FRMD6: variants seen among roughly 807,000 people sequenced by gnomAD.
The protein encoded by FRMD6 is FERM domain-containing protein 6.
Under a neutral mutation model 73.2 loss-of-function variants are expected in FRMD6, and 37 were observed. The ratio of observed to expected loss-of-function variants is 0.51; its 90% CI spans 0.39 to 0.66. FRMD6 has a LOEUF of 0.66. FRMD6 is among the 30% of genes least tolerant of loss of function. FRMD6 has a pLI of 0.00. For synonymous variants in FRMD6, 273 were observed against 282.2 expected, an observed-to-expected ratio of 0.97 and a Z score of 0.33; for missense variants, 714 against 780.5, an observed-to-expected ratio of 0.91 and a Z score of 1.02.
intron 2 of FRMD6, among the ~76,000 whole-genome samples, chr14:51,581,296 A>G (rs1269310178): frequency 6.6e-6 from 1 of 152,148 alleles, no homozygotes; most frequent in East Asian, 1.9e-4. Context: ...ACATTCATCC[A>G]TGGCTCATTC....
chr14:51,725,916 GA>G (rs760256477), intron 13 of FRMD6, 46 bp downstream of exon 13: 2 of 1,424,586 alleles, frequency 1.4e-6, no homozygotes, highest in African/African-American at 2.8e-5. Context: ...TGAAGTTATA[GA>G]AAATTTTAAG....
At chr14:51,693,649 A>G (rs760695514) in intron 2 of FRMD6, among the ~76,000 whole-genome samples, 18 of 152,122 alleles carry the variant, frequency 1.2e-4, no homozygotes, top group Admixed American at 2.0e-4. Context: ...CAGTAAGTGA[A>G]CCCTTGAGTG....
chr14:51,525,796 G>A (rs765553858), intron 1 of FRMD6, among the ~76,000 whole-genome samples: 9 of 152,052 alleles, frequency 5.9e-5, no homozygotes, highest in Non-Finnish European at 1.3e-4. Context: ...AAATAGAAAA[G>A]ATTCATTATT....
chr14:51,544,487 T>C (rs1321625667), intron 1 of FRMD6, among the ~76,000 whole-genome samples: 1 of 152,090 alleles, frequency 6.6e-6, no homozygotes, highest in East Asian at 1.9e-4. Flanking sequence ...CTTTGTTATA[T>C]ACTCATAGTT....
At chr14:51,481,996 G>T in the FRMD6 span, among the ~76,000 whole-genome samples, 1 of 152,154 alleles carries the variant, frequency 6.6e-6, no homozygotes, top group South Asian at 2.1e-4. Flanking sequence ...ATAGCAGAAG[G>T]CAAGCAGTAT....
At chr14:51,507,389 A>G (rs2140239583) in intron 1 of FRMD6, among the ~76,000 whole-genome samples, 1 of 151,928 alleles carries the variant, frequency 6.6e-6, no homozygotes, top group East Asian at 2.0e-4. Context: ...ATCATTCCCC[A>G]AAAGGCATGA....
chr14:51,528,819 C>G (rs987952661), intron 1 of FRMD6, among the ~76,000 whole-genome samples: 12 of 152,166 alleles, frequency 7.9e-5, no homozygotes, highest in Non-Finnish European at 1.8e-4. Context: ...TCCAGCAAAA[C>G]TAGCCAGTGC....
chr14:51,406,979 G>T, the FRMD6 span, among the ~76,000 whole-genome samples: 1 of 152,032 alleles, frequency 6.6e-6, no homozygotes, highest in Non-Finnish European at 1.5e-5. Context: ...AGACAAACTT[G>T]ATAAACTGTT....
the FRMD6 span, among the ~76,000 whole-genome samples, chr14:51,401,661 A>C: frequency 4.6e-5 from 7 of 152,202 alleles, no homozygotes; most frequent in African/African-American, 1.7e-4. Context: ...TCCCCGTAGG[A>C]GTATTCAACT....
At chr14:51,459,923 T>C in the FRMD6 span, among the ~76,000 whole-genome samples, 1 of 101,718 alleles carries the variant, frequency 9.8e-6, no homozygotes, top group East Asian at 4.0e-4. Context: ...CGGCTATGGC[T>C]AATCTTTTGG....
At position 51,701,048 on chromosome 14, in the gene FRMD6, A is replaced by G; in HGVS notation, c.191-8A>G. On this transcript the variant is annotated splice_polypyrimidine_tract_variant and splice_region_variant and intron_variant, in intron 3 of 13. Coordinates refer to ENST00000344768, the MANE Select transcript of FRMD6 (RefSeq NM_001267046.2). Reference sequence around the variant, plus strand: ...TTAGCATGTCGTCTCCTTTTTTTTAATGTACAGATAATGAACATGTGTATA... The same window carrying G: ...TTAGCATGTCGTCTCCTTTTTTTTAGTGTACAGATAATGAACATGTGTATA... 7.4e-7 allele frequency: 1 copy of G among 1,347,690 alleles called. No individual in the cohort carries two copies. Among genetic ancestry groups the G allele is most frequent in the East Asian group, 2.5e-5 (1 of 39,784 alleles). 83.5% of individuals were successfully genotyped at this position (1,347,690 alleles called of 1,614,324 possible).
At chr14:51,532,978 G>T (rs147966496) in intron 1 of FRMD6, among the ~76,000 whole-genome samples, 36 of 152,302 alleles carry the variant, frequency 2.4e-4, no homozygotes, top group Admixed American at 1.3e-3. Flanking sequence ...CCCTTTGAGG[G>T]CTGCAATACT....
intron 2 of FRMD6, among the ~76,000 whole-genome samples, chr14:51,640,189 A>G (rs1891753331): frequency 6.6e-6 from 1 of 152,222 alleles, no homozygotes; most frequent in South Asian, 2.1e-4. Flanking sequence ...CAATGTCCTT[A>G]TTGTGACAAA....
chr14:51,420,466 G>T, the FRMD6 span, among the ~76,000 whole-genome samples: 1 of 152,148 alleles, frequency 6.6e-6, no homozygotes, highest in Non-Finnish European at 1.5e-5. Flanking sequence ...TAGACAAAAT[G>T]CTTATTGGGC....
At chr14:51,611,267 T>TA (rs1890485142) in intron 2 of FRMD6, among the ~76,000 whole-genome samples, 1 of 152,226 alleles carries the variant, frequency 6.6e-6, no homozygotes, top group Admixed American at 6.5e-5. Context: ...GGTCTTATTT[T>TA]ACCAGAACTT....
At chr14:51,600,444 C>T (rs1889976157) in intron 2 of FRMD6, among the ~76,000 whole-genome samples, 1 of 152,194 alleles carries the variant, frequency 6.6e-6, no homozygotes, top group African/African-American at 2.4e-5. Context: ...CGTAGAATTA[C>T]AATTACCAAA....
In FRMD6 at chr14:51,569,003, G is replaced by A. The variant is rs555141865; in HGVS notation, c.-209-1345G>A. 6.6e-5 allele frequency among the ~76,000 whole-genome samples: 10 copies of A among 152,084 alleles called. No individual in the cohort carries two copies. In the East Asian group the frequency reaches 1.2e-3, roughly 18 times the overall value. ...TGGGATGACAAGCAGGTGCCACCACGCCTGGCTAATTTTTGTATTTTTGGT... is the reference window on the plus strand; with the variant it reads ...TGGGATGACAAGCAGGTGCCACCACACCTGGCTAATTTTTGTATTTTTGGT... On this transcript the variant is annotated intron_variant, in intron 1 of 14. Transcript: ENST00000356218.
the FRMD6 span, among the ~76,000 whole-genome samples, chr14:51,421,584 T>C: frequency 2.6e-5 from 4 of 152,138 alleles, no homozygotes; most frequent in African/African-American, 9.7e-5. Context: ...TATTAAGAAT[T>C]GTATAGCAAA....
intron 5 of FRMD6, among the ~76,000 whole-genome samples, chr14:51,703,599 A>G (rs1896453457): frequency 6.6e-6 from 1 of 151,844 alleles, no homozygotes; most frequent in Admixed American, 6.6e-5. Context: ...CAAATAGTTA[A>G]CCCCCTGGGG....
Sources: allele counts gnomAD v4.1 joint callset (sites outside exome capture counted in the v4.1 genomes callset), GRCh38; gene constraint gnomAD v4.1.1; transcripts MANE v1.5; gene names NCBI Gene and HGNC (gene_info 2026-07-23, HGNC 2026-07-21).